The following TCF12 variants were observed in gnomAD, a reference collection of about 807,000 sequenced individuals.
TCF12 encodes the protein transcription factor 12, also known as DNA-binding protein HTF4.
Under a neutral mutation model 86.0 loss-of-function variants are expected in TCF12, and 45 were observed. The observed-to-expected ratio is 0.52, with a 90% CI of 0.41 to 0.67. The LOEUF (loss-of-function observed/expected upper bound fraction) is 0.67, where lower values mean the gene tolerates loss of function less well. TCF12 is among the 30% of genes least tolerant of loss of function. The pLI, the probability that TCF12 is intolerant of heterozygous loss-of-function variation, is 0.00. For synonymous variants in TCF12, 330 were observed against 299.6 expected (o/e 1.10, Z -1.05); for missense variants, 881 against 859.9 (o/e 1.02, Z -0.31).
At chr15:56,984,014 A>AAAAAAAGAAGAAG (rs777234282) in intron 3 of TCF12, among the ~76,000 whole-genome samples, 2 of 104,398 alleles carry the variant, frequency 1.9e-5, no homozygotes, top group African/African-American at 4.5e-5. Context: ...AAAAAAAAAA[A>AAAAAAAGAAGAAG]AAGAAGAAGA....
At chr15:57,213,851 A>T (rs1191509200) in intron 8 of TCF12, among the ~76,000 whole-genome samples, 2 of 152,224 alleles carry the variant, frequency 1.3e-5, no homozygotes, top group African/African-American at 4.8e-5. Flanking sequence ...AGATTGCCTA[A>T]CGAGTCAATA....
rs1457161752 is a variant in TCF12, at chr15:57,252,482, A to T, written c.1250A>T (p.Asp417Val). ...CAAGATGCAATGTCCTTCTTAAAGG[A>T]TGTCTGTGAGGTACTATTTCTTTTA... ...HLQDAMSFLK[D>V]VCEQSRMEDR... The change falls in exon 15 of 21, where the codon GAT becomes GTT. Residue 417 changes from aspartate to valine, a missense_variant. Around this residue, in one of 3 missense-constraint regions of TCF12, gnomAD observed 766 missense variants for 718.9 expected, o/e 1.07. Transcript: ENST00000333725. 1 of 1,613,728 alleles carries T rather than the reference A, an allele frequency of 6.2e-7. No individual in the cohort carries two copies. The highest frequency in any genetic ancestry group is 8.5e-7 in the Non-Finnish European group (1 of 1,179,838).
At chr15:57,267,909 G>T (rs751105127) in intron 18 of TCF12, among the ~76,000 whole-genome samples, 1 of 152,178 alleles carries the variant, frequency 6.6e-6, no homozygotes, top group Non-Finnish European at 1.5e-5. Context: ...CAGGATTCTT[G>T]TAGGAATAAC....
intron 8 of TCF12, 51 bp downstream of exon 8, chr15:57,197,876 G>A (rs1448374420): frequency 1.3e-6 from 2 of 1,572,770 alleles, no homozygotes; most frequent in Non-Finnish European, 8.7e-7. Context: ...GATTTCAAGT[G>A]TTCCGTATTA....
intron 5 of TCF12, among the ~76,000 whole-genome samples, chr15:57,161,477 C>T (rs1309167665): frequency 6.6e-6 from 1 of 152,156 alleles, no homozygotes; most frequent in African/African-American, 2.4e-5. Context: ...TTAATGTAAA[C>T]CATGTAAGTT....
intron 5 of TCF12, among the ~76,000 whole-genome samples, chr15:57,119,511 T>C (rs2051082423): frequency 6.7e-6 from 1 of 148,944 alleles, no homozygotes; most frequent in Admixed American, 6.8e-5. Flanking sequence ...TATGCTATTT[T>C]TGAGACTCCG....
At chr15:57,020,972 CAT>C (rs1197174668) in intron 3 of TCF12, among the ~76,000 whole-genome samples, 3 of 152,088 alleles carry the variant, frequency 2.0e-5, no homozygotes, top group Non-Finnish European at 4.4e-5. Context: ...GAGGGTGAGA[CAT>C]ATCACCTTTT....
intron 8 of TCF12, among the ~76,000 whole-genome samples, chr15:57,224,307 C>T (rs1359289239): frequency 6.6e-6 from 1 of 152,042 alleles, no homozygotes; most frequent in Non-Finnish European, 1.5e-5. Context: ...AAGTTTCAAA[C>T]CCTGTCCCTT....
chr15:57,263,867 GGTACCC>G (rs1234593091), intron 18 of TCF12, among the ~76,000 whole-genome samples: 1 of 152,010 alleles, frequency 6.6e-6, no homozygotes, highest in African/African-American at 2.4e-5. Flanking sequence ...GATAAAAAAT[GGTACCC>G]GTATAGGCCA....
intron 4 of TCF12, among the ~76,000 whole-genome samples, chr15:57,085,888 A>G (rs931891665): frequency 2.0e-5 from 3 of 151,906 alleles, no homozygotes; most frequent in Non-Finnish European, 4.4e-5. Flanking sequence ...TTGGTGGGAA[A>G]TCTTGTAGCT....
At chr15:57,006,405 A>G (rs1159765097) in intron 3 of TCF12, among the ~76,000 whole-genome samples, 1 of 151,904 alleles carries the variant, frequency 6.6e-6, no homozygotes, top group African/African-American at 2.4e-5. Flanking sequence ...CCTGGGTTCA[A>G]TTGATTCTCC....
intron 4 of TCF12, among the ~76,000 whole-genome samples, chr15:57,067,295 C>T (rs2068961141): frequency 6.6e-6 from 1 of 152,060 alleles, no homozygotes; most frequent in African/African-American, 2.4e-5. Flanking sequence ...AATCCCAGCA[C>T]TTTGGGAGGC....
chr15:57,143,883 G>T (rs1031702608), intron 5 of TCF12, among the ~76,000 whole-genome samples: 2 of 152,066 alleles, frequency 1.3e-5, no homozygotes, highest in African/African-American at 4.8e-5. Context: ...TGTCTCTCTG[G>T]GTGTGGTGCT....
chr15:56,951,853 G>A (rs1228454128), intron 3 of TCF12, among the ~76,000 whole-genome samples: 1 of 152,076 alleles, frequency 6.6e-6, no homozygotes, highest in Admixed American at 6.6e-5. Context: ...TTGCCATGTT[G>A]CCCAGACTGG....
chr15:57,187,476 TC>T (rs1413978631), intron 6 of TCF12, among the ~76,000 whole-genome samples: 1 of 152,154 alleles, frequency 6.6e-6, no homozygotes, highest in African/African-American at 2.4e-5. Flanking sequence ...GGACAGTACA[TC>T]AAATACACTA....
intron 3 of TCF12, among the ~76,000 whole-genome samples, chr15:56,993,593 G>A (rs1208573507): frequency 6.6e-6 from 1 of 152,124 alleles, no homozygotes; most frequent in East Asian, 1.9e-4. Flanking sequence ...TGAATTCCCT[G>A]AACTATACAT....
chr15:57,060,884 G>T (rs1051643746), intron 3 of TCF12, among the ~76,000 whole-genome samples: 1 of 152,142 alleles, frequency 6.6e-6, no homozygotes, highest in African/African-American at 2.4e-5. Flanking sequence ...TTCTGTGTTT[G>T]TACAGCCATT....
intron 4 of TCF12, among the ~76,000 whole-genome samples, chr15:57,071,266 TC>T (rs1365504067): frequency 7.1e-6 from 1 of 140,656 alleles, no homozygotes; most frequent in Non-Finnish European, 1.5e-5. Flanking sequence ...AAAAAAAAAA[TC>T]CAGGTCTGGT....
chr15:57,104,511 G>T (rs544649422), intron 5 of TCF12, among the ~76,000 whole-genome samples: 1 of 135,754 alleles, frequency 7.4e-6, no homozygotes, highest in South Asian at 2.4e-4. Flanking sequence ...GAGCGATCTC[G>T]GCTCACCACG....
Sources: gnomAD v4.1 joint callset for allele counts (sites outside exome capture counted in the v4.1 genomes callset) on GRCh38, gnomAD v4.1.1 for gene constraint, gnomAD v4.1.1 regional missense constraint, MANE v1.5 for transcripts, NCBI Gene and HGNC (gene_info 2026-07-23, HGNC 2026-07-21) for gene names.